SKIC8: variants seen among roughly 807,000 people sequenced by gnomAD.
SKIC8 encodes superkiller complex protein 8.
chr15:78,298,713 G>A, the SKIC8 span, among the ~76,000 whole-genome samples: 1 of 152,132 alleles, frequency 6.6e-6, no homozygotes, highest in Admixed American at 6.5e-5. Flanking sequence ...TTGAAAAATT[G>A]TAAGTCAAAC....
the SKIC8 span, chr15:78,291,051 G>T: frequency 6.6e-6 from 1 of 152,180 alleles, no homozygotes; most frequent in Non-Finnish European, 1.5e-5. Context: ...GCCCCACAAA[G>T]TGTTGGGATT....
chr15:78,293,091 C>A, the SKIC8 span: 270,657 of 1,288,996 alleles, frequency 0.21, 30,188 homozygotes, highest in Admixed American at 0.33. Flanking sequence ...ATTTCCCGGA[C>A]TGCAACTGGA....
chr15:78,289,750 A>T, the SKIC8 span: 3 of 1,590,914 alleles, frequency 1.9e-6, no homozygotes, highest in East Asian at 6.7e-5. Context: ...GCACTTTCAG[A>T]CTCCGTGTTG....
chr15:78,286,324 G>A, the SKIC8 span: 1 of 552,752 alleles, frequency 1.8e-6, no homozygotes, highest in Non-Finnish European at 3.3e-6. Context: ...AATTTTAATA[G>A]TAGCATTAAC....
chr15:78,291,588 G>T, the SKIC8 span, among the ~76,000 whole-genome samples: 1 of 152,166 alleles, frequency 6.6e-6, no homozygotes, highest in Admixed American at 6.5e-5. Context: ...AGCTCCAGTG[G>T]TAAGAATTAC....
At chr15:78,297,459 T>C in the SKIC8 span, among the ~76,000 whole-genome samples, 1 of 152,128 alleles carries the variant, frequency 6.6e-6, no homozygotes, top group Admixed American at 6.5e-5. Flanking sequence ...GGATAGACTG[T>C]ATGCTAAAAT....
the SKIC8 span, chr15:78,285,267 C>A: frequency 6.2e-7 from 1 of 1,614,008 alleles, no homozygotes; most frequent in Non-Finnish European, 8.5e-7. Flanking sequence ...ATACCTGATC[C>A]TGGTGATCAA....
At chr15:78,285,563 G>C in the SKIC8 span, 1 of 573,232 alleles carries the variant, frequency 1.7e-6, no homozygotes, top group Non-Finnish European at 3.1e-6. Context: ...TTCTCCAGGA[G>C]TCTCAGACAC....
chr15:78,292,544 C>T, the SKIC8 span: 1 of 1,597,768 alleles, frequency 6.3e-7, no homozygotes, highest in Non-Finnish European at 8.6e-7. Context: ...CTGTAAAACA[C>T]ATTCTATCCC....
chr15:78,285,606 T>C, the SKIC8 span: 7 of 541,356 alleles, frequency 1.3e-5, no homozygotes, highest in Non-Finnish European at 2.3e-5. Flanking sequence ...GGGAGGCCTG[T>C]TAAAGCTTCA....
chr15:78,289,508 T>A, the SKIC8 span: 13 of 782,244 alleles, frequency 1.7e-5, no homozygotes, highest in African/African-American at 2.1e-4. Context: ...TTGAGATTGA[T>A]ATTTTGTAAA....
At chr15:78,284,564 A>C in the SKIC8 span, 1 of 152,196 alleles carries the variant, frequency 6.6e-6, no homozygotes, top group Non-Finnish European at 1.5e-5. Flanking sequence ...CTCACCTGGA[A>C]GCCTGTTAGA....
the SKIC8 span, among the ~76,000 whole-genome samples, chr15:78,298,231 G>A: frequency 9.2e-5 from 14 of 152,172 alleles, no homozygotes; most frequent in African/African-American, 3.4e-4. Context: ...GCAATGGATA[G>A]AAACAAAAAA....
At chr15:78,291,319 T>C in the SKIC8 span, 5 of 152,166 alleles carry the variant, frequency 3.3e-5, no homozygotes, top group Admixed American at 2.6e-4. Context: ...GATGAAAAGG[T>C]AGAAACAGTT....
the SKIC8 span, chr15:78,286,538 A>C: frequency 1.7e-5 from 3 of 172,750 alleles, no homozygotes; most frequent in African/African-American, 4.7e-5. Context: ...GCCTTTCCGT[A>C]TGGGGCCAGT....
chr15:78,298,731 A>G, the SKIC8 span, among the ~76,000 whole-genome samples: 1 of 152,336 alleles, frequency 6.6e-6, no homozygotes, highest in African/African-American at 2.4e-5. Context: ...AACCACGGTA[A>G]GTCAGTCAGG....
At chr15:78,298,623 T>C in the SKIC8 span, among the ~76,000 whole-genome samples, 1 of 152,208 alleles carries the variant, frequency 6.6e-6, no homozygotes, top group Non-Finnish European at 1.5e-5. Context: ...GGTATGTATG[T>C]GTAATCTGTA....
chr15:78,289,824 G>A, the SKIC8 span: 1 of 1,522,866 alleles, frequency 6.6e-7, no homozygotes. Flanking sequence ...TGGCTACTTG[G>A]CAAACCACAC....
chr15:78,295,088 C>T, the SKIC8 span: 6 of 1,260,344 alleles, frequency 4.8e-6, no homozygotes, highest in Admixed American at 1.8e-5. Context: ...TAGTTACTTC[C>T]TCTGCTGTCA....
Sources: gnomAD v4.1 joint callset for allele counts (sites outside exome capture counted in the v4.1 genomes callset) on GRCh38, gnomAD v4.1.1 for gene constraint, MANE v1.5 for transcripts, NCBI Gene and HGNC (gene_info 2026-07-23, HGNC 2026-07-21) for gene names.